Variants in NCOR1 observed in about 807,000 individuals in gnomAD.
NCOR1 encodes protein phosphatase 1, regulatory subunit 109.
A neutral mutation model predicts 288.1 loss-of-function variants in NCOR1; 63 were observed. The observed-to-expected ratio is 0.22, with a 90% confidence interval of 0.18 to 0.27. NCOR1 has a LOEUF of 0.27. Ranked by LOEUF, NCOR1 falls within the 10% of genes least tolerant of loss-of-function variation. The pLI is 1.00. For synonymous variants in NCOR1, 1,007 were observed against 1,065.9 expected (o/e 0.94, Z 1.08); for missense variants, 2,397 against 3,019.2 (o/e 0.79, Z 4.83).
chr17:16,039,147 A>G, intron 44 of NCOR1: 1 of 302,164 alleles, frequency 3.3e-6, no homozygotes, highest in South Asian at 6.5e-5. Flanking sequence ...TTGTGTTACA[A>G]TTACAATGCA....
chr17:16,159,763 C>T (rs901466047), intron 5 of NCOR1, among the ~76,000 whole-genome samples: 5 of 151,682 alleles, frequency 3.3e-5, no homozygotes, highest in Non-Finnish European at 7.4e-5. Flanking sequence ...ACTGTATTAC[C>T]GTGCCTGGGT....
At chr17:16,145,656 C>T (rs373494225) in intron 10 of NCOR1, among the ~76,000 whole-genome samples, 4 of 152,108 alleles carry the variant, frequency 2.6e-5, no homozygotes, top group South Asian at 2.1e-4. Context: ...GGAGCGTCTC[C>T]GCCCCTTCCG....
intron 5 of NCOR1, among the ~76,000 whole-genome samples, chr17:16,159,547 T>C (rs1190059458): frequency 2.0e-5 from 3 of 152,066 alleles, no homozygotes; most frequent in Non-Finnish European, 4.4e-5. Context: ...AAAACACTCT[T>C]ATATGTTATA....
intron 40 of NCOR1, among the ~76,000 whole-genome samples, chr17:16,056,607 C>G (rs796781235): frequency 2.0e-5 from 3 of 152,044 alleles, no homozygotes; most frequent in East Asian, 3.9e-4. Flanking sequence ...TGAGCCACCA[C>G]GCCCGGCCTT....
chr17:16,156,814 T>C (rs980867053), intron 6 of NCOR1, among the ~76,000 whole-genome samples: 2 of 152,156 alleles, frequency 1.3e-5, no homozygotes, highest in Non-Finnish European at 2.9e-5. Flanking sequence ...ACCAATTAAA[T>C]TCTCTATTAG....
chr17:16,142,111 T>C (rs1013892788), intron 11 of NCOR1, among the ~76,000 whole-genome samples: 10 of 151,966 alleles, frequency 6.6e-5, no homozygotes, highest in Non-Finnish European at 1.3e-4. Flanking sequence ...AAACCAACAA[T>C]ACCCATAGAA....
chr17:16,172,982 A>G (rs2083401093), intron 3 of NCOR1, among the ~76,000 whole-genome samples: 1 of 152,126 alleles, frequency 6.6e-6, no homozygotes, highest in Non-Finnish European at 1.5e-5. Context: ...TGAGGCCCAG[A>G]CTGGAGTGCC....
intron 5 of NCOR1, among the ~76,000 whole-genome samples, chr17:16,160,170 T>C (rs2080537792): frequency 6.6e-6 from 1 of 152,098 alleles, no homozygotes; most frequent in Non-Finnish European, 1.5e-5. Context: ...AAACTACTCA[T>C]AAATAAGGTA....
rs139252658 is a variant in NCOR1, at chr17:16,036,377, T to C, written c.6956-1433A>G. Among the ~76,000 whole-genome samples, 5 of 152,336 alleles carry C rather than the reference T, an allele frequency of 3.3e-5. No homozygotes were observed. The East Asian group carries it at 5.8e-4, about 18-fold the overall frequency. On this transcript the variant is annotated intron_variant, in intron 44 of 45. Transcript: ENST00000268712. ...AGAGCACAGGCGAGTAGACCAAGCA[T>C]AATTCTTAAGTGGCCTAGGATTTTC...
rs1274757589 is a variant in NCOR1 at position 16,127,091 on chromosome 17, T to A, written c.1510-885A>T. On this transcript the variant is annotated intron_variant, in intron 14 of 45. Transcript: ENST00000268712. Reference sequence around the variant, plus strand: ...TGTGCCTAATATACAAATCAAAGTTTATCATAGGTGTGTGTGTGTATATGT... The same window carrying A: ...TGTGCCTAATATACAAATCAAAGTTAATCATAGGTGTGTGTGTGTATATGT... Among the ~76,000 whole-genome samples the A allele has an allele frequency of 3.5e-5, 5 of 143,784 alleles. No individual in the cohort carries two copies. The East Asian group carries it at 9.7e-4, about 28-fold the overall frequency. The allele number at this position is 143,784 out of a possible 152,430, so 94.3% of individuals were successfully genotyped here.
At chr17:16,093,649 C>T (rs1310983153) in intron 21 of NCOR1, among the ~76,000 whole-genome samples, 1 of 152,136 alleles carries the variant, frequency 6.6e-6, no homozygotes. Flanking sequence ...TTTCCCCTAG[C>T]GTAAGTAGTA....
chr17:16,044,168 C>CAAAAAAA (rs34691717), intron 42 of NCOR1, among the ~76,000 whole-genome samples: 4 of 82,770 alleles, frequency 4.8e-5, no homozygotes, highest in African/African-American at 1.4e-4. Context: ...GACTCCATCT[C>CAAAAAAA]AAAAAAAAAA....
intron 5 of NCOR1, among the ~76,000 whole-genome samples, chr17:16,160,004 AT>A: frequency 6.6e-6 from 1 of 151,772 alleles, no homozygotes; most frequent in East Asian, 1.9e-4. Context: ...TAATTTCTGT[AT>A]TTTTTTAGTA....
chr17:16,106,854 C>CACATATATATATATATATATATATATAT (rs1555652880), intron 19 of NCOR1, among the ~76,000 whole-genome samples: 3 of 46,156 alleles, frequency 6.5e-5, no homozygotes, highest in African/African-American at 3.2e-4. Flanking sequence ...CTTGATCAGA[C>CACATATATATATATATATATATATATAT]ATATATATAT....
intron 3 of NCOR1, among the ~76,000 whole-genome samples, chr17:16,181,950 T>C (rs1037183681): frequency 4.6e-5 from 7 of 152,160 alleles, no homozygotes; most frequent in South Asian, 2.1e-4. Flanking sequence ...CTTTTTTTTT[T>C]CCAAACCAAG....
At chr17:16,035,988 CGTT>C (rs1228802691) in intron 44 of NCOR1, among the ~76,000 whole-genome samples, 1 of 152,152 alleles carries the variant, frequency 6.6e-6, no homozygotes, top group Non-Finnish European at 1.5e-5. Flanking sequence ...TTACAAATGT[CGTT>C]AATAGCATCT....
chr17:16,098,542 A>T, intron 20 of NCOR1, 46 bp from the exon 21 acceptor site: 1 of 1,533,302 alleles, frequency 6.5e-7, no homozygotes, highest in Non-Finnish European at 8.9e-7. Context: ...CATTTTTAAG[A>T]CTCAAACATA....
At chr17:16,201,919 G>A (rs1475996308) in intron 1 of NCOR1, among the ~76,000 whole-genome samples, 14 of 151,692 alleles carry the variant, frequency 9.2e-5, no homozygotes, top group African/African-American at 2.7e-4. Context: ...GCAAAACCTC[G>A]TCTCTACTAA....
At chr17:16,179,690 G>A (rs902761657) in intron 3 of NCOR1, among the ~76,000 whole-genome samples, 1 of 152,150 alleles carries the variant, frequency 6.6e-6, no homozygotes, top group Non-Finnish European at 1.5e-5. Flanking sequence ...CAAAACTAGA[G>A]GCCAATCTCT....
Sources: allele counts gnomAD v4.1 joint callset (sites outside exome capture counted in the v4.1 genomes callset), GRCh38; gene constraint gnomAD v4.1.1; transcripts MANE v1.5; gene names NCBI Gene and HGNC (gene_info 2026-07-23, HGNC 2026-07-21).